The following BNC2 variants were observed in gnomAD, a reference collection of about 807,000 sequenced individuals.
BNC2 encodes basonuclin zinc finger protein 2.
In BNC2, 20 loss-of-function variants were observed where a neutral mutation model predicts 76.3. The ratio of observed to expected loss-of-function variants is 0.26; its 90% CI spans 0.18 to 0.38. The LOEUF (loss-of-function observed/expected upper bound fraction) is 0.38, where lower values mean the gene tolerates loss of function less well. BNC2 is among the 10% of genes least tolerant of loss of function. The probability of loss-of-function intolerance (pLI) is 1.00; values close to 1 mark genes in which losing one functional copy is unlikely to be tolerated. For missense variants in BNC2, 1,382 were observed against 1,399.8 expected, an observed-to-expected ratio of 0.99 and a Z score of 0.20; for synonymous variants, 582 against 514.8, an observed-to-expected ratio of 1.13 and a Z score of -1.77.
chr9:16,737,577 G>A lies in BNC2; in HGVS notation c.129+783C>T, dbSNP rs370657826. Among the ~76,000 whole-genome samples the A allele has an allele frequency of 8.3e-4, 123 of 147,432 alleles. 1 individual carries two copies. The Middle Eastern group carries it at 0.01, about 12-fold the overall frequency. On this transcript the variant is annotated intron_variant, in intron 2 of 6. Transcript: ENST00000380672. ...TTTTTTTTTTTAAAGATGGGGTCTCGCTATGTTGCCCAGGCAAGTCTGGGA... is the reference window on the plus strand; with the variant it reads ...TTTTTTTTTTTAAAGATGGGGTCTCACTATGTTGCCCAGGCAAGTCTGGGA...
rs536586684 is a variant in BNC2, at chr9:16,495,700, T to C, written c.669+56830A>G. ...AATTTCATAAAGGCTCAACATGAGC[T>C]TGCTAGGGCCCAGTGGCTGGGGCTT... On this transcript the variant is annotated intron_variant, in intron 5 of 6. Transcript: ENST00000380672. Among the ~76,000 whole-genome samples, 247 of 152,278 alleles carry C rather than the reference T, an allele frequency of 1.6e-3. 4 individuals are homozygous for C. In the South Asian group the frequency reaches 0.017, roughly 10 times the overall value.
At position 16,849,855 on chromosome 9, in the gene BNC2, A is replaced by G. The variant is rs117570235; in HGVS notation, c.3+20791T>C. 8.2e-3 allele frequency among the ~76,000 whole-genome samples: 1,253 copies of G among 152,320 alleles called. 14 individuals are homozygous for G. Among genetic ancestry groups the G allele is most frequent in the Middle Eastern group, 0.027 (8 of 294 alleles). Reference sequence around the variant, plus strand: ...AAACAAACCCTAAAGTACAAAAAAAAAAGTCATATTCCTCTTTGGCAACTA... The same window carrying G: ...AAACAAACCCTAAAGTACAAAAAAAGAAGTCATATTCCTCTTTGGCAACTA... On this transcript the variant is annotated intron_variant, in intron 1 of 6. Transcript: ENST00000380672.
intron 1 of BNC2, among the ~76,000 whole-genome samples, chr9:16,832,531 G>C (rs1292718210): frequency 1.3e-5 from 2 of 152,148 alleles, no homozygotes; most frequent in Non-Finnish European, 2.9e-5. Context: ...TAAAACAAGT[G>C]AATCAACGAA....
intron 4 of BNC2, among the ~76,000 whole-genome samples, chr9:16,563,623 G>T (rs924297087): frequency 2.0e-5 from 3 of 152,100 alleles, no homozygotes; most frequent in Non-Finnish European, 4.4e-5. Context: ...CATATAACTT[G>T]AAATGACTTC....
At chr9:16,505,089 T>C (rs937764361) in intron 5 of BNC2, among the ~76,000 whole-genome samples, 1 of 152,210 alleles carries the variant, frequency 6.6e-6, no homozygotes, top group Non-Finnish European at 1.5e-5. Flanking sequence ...TTCCCTCATC[T>C]GTAAAATGGA....
At position 16,565,994 on chromosome 9, in the gene BNC2, G is replaced by A. The variant is rs74550349; in HGVS notation, c.434-13229C>T. On this transcript the variant is annotated intron_variant, in intron 4 of 6. Coordinates refer to ENST00000380672, the MANE Select transcript of BNC2 (RefSeq NM_017637.6). The stretch of plus-strand genomic sequence containing the variant: ...CAGAGAGATAAGCGAGGTTCCATCC[G>A]TAAAGCTGTATTTTCTCAGAACGTT... Among the ~76,000 whole-genome samples, 772 of 152,232 alleles carry A rather than the reference G, an allele frequency of 5.1e-3. 7 individuals carry two copies. The highest frequency in any genetic ancestry group is 0.018 in the African/African-American group (751 of 41,550).
intron 3 of BNC2, among the ~76,000 whole-genome samples, chr9:16,611,387 G>A (rs997255872): frequency 6.6e-6 from 1 of 152,106 alleles, no homozygotes; most frequent in African/African-American, 2.4e-5. Context: ...CGGCTGTAAA[G>A]TGAACTGTGG....
chr9:16,470,906 T>G (rs1821809573), intron 5 of BNC2, among the ~76,000 whole-genome samples: 1 of 152,136 alleles, frequency 6.6e-6, no homozygotes, highest in South Asian at 2.1e-4. Context: ...CACTGCTTCG[T>G]GGAGCTGTGA....
intron 4 of BNC2, among the ~76,000 whole-genome samples, chr9:16,559,417 C>T (rs560989793): frequency 9.2e-5 from 14 of 152,286 alleles, no homozygotes; most frequent in Non-Finnish European, 1.6e-4. Context: ...CTCATTTAAT[C>T]CTTCAATTAA....
chr9:16,518,546 G>T (rs1817508754), intron 5 of BNC2, among the ~76,000 whole-genome samples: 1 of 152,088 alleles, frequency 6.6e-6, no homozygotes, highest in Non-Finnish European at 1.5e-5. Context: ...TGAGATTTGG[G>T]ATGTACAGGT....
At chr9:16,595,697 A>T (rs563046225) in intron 3 of BNC2, among the ~76,000 whole-genome samples, 1 of 152,264 alleles carries the variant, frequency 6.6e-6, no homozygotes, top group South Asian at 2.1e-4. Flanking sequence ...ATGCTGAAAA[A>T]AAATTATTCT....
chr9:16,826,550 T>G (rs1818457841), intron 1 of BNC2, among the ~76,000 whole-genome samples: 1 of 152,194 alleles, frequency 6.6e-6, no homozygotes, highest in African/African-American at 2.4e-5. Flanking sequence ...TTGGGTATAA[T>G]AAATGCAAAA....
chr9:16,787,052 A>G (rs1379927920), intron 1 of BNC2, among the ~76,000 whole-genome samples: 1 of 152,234 alleles, frequency 6.6e-6, no homozygotes, highest in Admixed American at 6.5e-5. Flanking sequence ...AAGAGAGCCA[A>G]TTAGTACATT....
chr9:16,462,448 G>A (rs1375662226), intron 5 of BNC2, among the ~76,000 whole-genome samples: 1 of 152,104 alleles, frequency 6.6e-6, no homozygotes, highest in Non-Finnish European at 1.5e-5. Flanking sequence ...GTAAACTGGT[G>A]TAAAGTGGAA....
chr9:16,862,333 G>C (rs916746504), intron 1 of BNC2, among the ~76,000 whole-genome samples: 2 of 152,172 alleles, frequency 1.3e-5, no homozygotes, highest in Non-Finnish European at 2.9e-5. Context: ...TTTTAAGTGG[G>C]TGAGTTATAT....
intron 5 of BNC2, among the ~76,000 whole-genome samples, chr9:16,490,602 A>T (rs554687897): frequency 6.6e-6 from 1 of 152,158 alleles, no homozygotes; most frequent in South Asian, 2.1e-4. Flanking sequence ...GTGTTTAAGG[A>T]CACATCTGTT....
intron 3 of BNC2, among the ~76,000 whole-genome samples, chr9:16,624,734 A>G (rs1263980367): frequency 6.6e-6 from 1 of 152,234 alleles, no homozygotes; most frequent in Non-Finnish European, 1.5e-5. Context: ...AATGGAAGTC[A>G]TGTTTTTAAA....
chr9:16,490,367 CG>C (rs1563807600), intron 5 of BNC2, among the ~76,000 whole-genome samples: 1 of 152,066 alleles, frequency 6.6e-6, no homozygotes, highest in East Asian at 1.9e-4. Flanking sequence ...AGCAAGGGAA[CG>C]ACCAGCCCCC....
At chr9:16,446,778 G>C (rs1821240595) in intron 5 of BNC2, among the ~76,000 whole-genome samples, 1 of 125,614 alleles carries the variant, frequency 8.0e-6, no homozygotes, top group Admixed American at 8.9e-5. Context: ...TTTAAAAACA[G>C]TGATTATGAT....
Sources: allele counts gnomAD v4.1 joint callset (sites outside exome capture counted in the v4.1 genomes callset), GRCh38; gene constraint gnomAD v4.1.1; transcripts MANE v1.5; gene names NCBI Gene and HGNC (gene_info 2026-07-23, HGNC 2026-07-21).